SH3RF1: variants seen among roughly 807,000 people sequenced by gnomAD.
SH3RF1 encodes SH3 domain containing ring finger 1, also known as E3 ubiquitin-protein ligase SH3RF1.
A neutral mutation model predicts 74.0 loss-of-function variants in SH3RF1; 32 were observed. The ratio of observed to expected loss-of-function variants is 0.43; its 90% CI spans 0.33 to 0.58. The LOEUF is 0.58. Ranked by LOEUF, SH3RF1 falls within the 20% of genes least tolerant of loss-of-function variation. The probability of loss-of-function intolerance (pLI) is 0.05; values close to 1 mark genes in which losing one functional copy is unlikely to be tolerated. For missense variants in SH3RF1, 954 were observed against 1,130.9 expected (o/e 0.84, Z 2.24); for synonymous variants, 396 against 439.6 (o/e 0.90, Z 1.24).
intron 8 of SH3RF1, among the ~76,000 whole-genome samples, chr4:169,118,242 T>G (rs1733370299): frequency 6.6e-6 from 1 of 152,198 alleles, no homozygotes; most frequent in African/African-American, 2.4e-5. Flanking sequence ...CACGCACTAG[T>G]GGAAAGTCCT....
intron 2 of SH3RF1, among the ~76,000 whole-genome samples, chr4:169,266,033 G>C (rs927519359): frequency 5.9e-5 from 9 of 152,062 alleles, no homozygotes; most frequent in African/African-American, 1.7e-4. Context: ...TCCACTGCTT[G>C]ACTTTGGCCT....
intron 2 of SH3RF1, among the ~76,000 whole-genome samples, chr4:169,179,343 ACACC>A (rs1459620194): frequency 2.4e-4 from 37 of 152,352 alleles, no homozygotes; most frequent in Admixed American, 8.5e-4. Flanking sequence ...AGCCCTGCCT[ACACC>A]TTGATTTTGG....
intron 2 of SH3RF1, among the ~76,000 whole-genome samples, chr4:169,175,567 T>C (rs1026633082): frequency 6.6e-6 from 1 of 152,148 alleles, no homozygotes; most frequent in African/African-American, 2.4e-5. Context: ...TCTAATGTCA[T>C]CTCAGAAGGC....
intron 4 of SH3RF1, among the ~76,000 whole-genome samples, chr4:169,139,686 G>A (rs941329887): frequency 6.6e-6 from 1 of 152,124 alleles, no homozygotes; most frequent in African/African-American, 2.4e-5. Flanking sequence ...CCATAGGGTT[G>A]GATGCTTGGA....
At position 169,197,559 on chromosome 4, in the gene SH3RF1, C is replaced by T. The variant is rs539825083; in HGVS notation, c.394-40880G>A. Among the ~76,000 whole-genome samples, 14 of 141,350 alleles carry T rather than the reference C, an allele frequency of 9.9e-5. No homozygotes were observed. In the East Asian group the frequency reaches 1.5e-3, roughly 16 times the overall value. 92.7% of individuals were successfully genotyped at this position (141,350 alleles called of 152,430 possible). On this transcript the variant is annotated intron_variant, in intron 2 of 11. Coordinates refer to ENST00000284637, the MANE Select transcript of SH3RF1 (RefSeq NM_020870.4). Reference sequence around the variant, plus strand: ...GAATCGCTTGAACCCAGGAGGCAGACGTTACAGTGAGCCAAGATTGCGCCA... The same window carrying T: ...GAATCGCTTGAACCCAGGAGGCAGATGTTACAGTGAGCCAAGATTGCGCCA...
chr4:169,108,649 T>C (rs1427645366), intron 10 of SH3RF1, among the ~76,000 whole-genome samples: 1 of 152,210 alleles, frequency 6.6e-6, no homozygotes, highest in Admixed American at 6.5e-5. Flanking sequence ...GGAAGATCCT[T>C]TTGCATTTCT....
chr4:169,187,376 G>A (rs1358096817), intron 2 of SH3RF1, among the ~76,000 whole-genome samples: 4 of 152,016 alleles, frequency 2.6e-5, no homozygotes, highest in Non-Finnish European at 5.9e-5. Context: ...AACTTTTTGT[G>A]GAGATGGGGT....
chr4:169,262,254 A>C (rs2110759708), intron 2 of SH3RF1, among the ~76,000 whole-genome samples: 1 of 152,356 alleles, frequency 6.6e-6, no homozygotes, highest in Middle Eastern at 3.4e-3. Flanking sequence ...ATGTATATGA[A>C]AAGATCTGCA....
At chr4:169,130,235 A>C (rs1733592569) in intron 5 of SH3RF1, 79 bp from the exon 6 acceptor site, 1 of 1,012,924 alleles carries the variant, frequency 9.9e-7, no homozygotes, top group Non-Finnish European at 1.3e-6. Context: ...TTAGAAAGGC[A>C]AGTCACATTA....
intron 11 of SH3RF1, among the ~76,000 whole-genome samples, chr4:169,101,397 G>A (rs1409857224): frequency 1.3e-5 from 2 of 152,128 alleles, no homozygotes; most frequent in African/African-American, 4.8e-5. Context: ...CCACTTATGA[G>A]ATGCCCAGAA....
At chr4:169,224,968 C>T (rs1730635168) in intron 2 of SH3RF1, among the ~76,000 whole-genome samples, 1 of 152,174 alleles carries the variant, frequency 6.6e-6, no homozygotes, top group African/African-American at 2.4e-5. Context: ...GGGTTTTATA[C>T]TTTAAGCAGA....
chr4:169,264,526 A>G (rs1383464671), intron 2 of SH3RF1, among the ~76,000 whole-genome samples: 1 of 152,184 alleles, frequency 6.6e-6, no homozygotes, highest in Non-Finnish European at 1.5e-5. Flanking sequence ...TGTGCTATGG[A>G]GAAATGAAAG....
chr4:169,192,486 G>A (rs1223081987), intron 2 of SH3RF1, among the ~76,000 whole-genome samples: 1 of 152,014 alleles, frequency 6.6e-6, no homozygotes, highest in East Asian at 1.9e-4. Flanking sequence ...TCAAAAAATA[G>A]TAGATGCTGG....
intron 4 of SH3RF1, among the ~76,000 whole-genome samples, chr4:169,144,267 C>G (rs1433540991): frequency 1.3e-5 from 2 of 152,180 alleles, no homozygotes; most frequent in Non-Finnish European, 1.5e-5. Context: ...TTGGGTATGC[C>G]TCCCATTTCT....
chr4:169,252,928 A>G (rs887263726), intron 2 of SH3RF1, among the ~76,000 whole-genome samples: 4 of 152,182 alleles, frequency 2.6e-5, no homozygotes, highest in African/African-American at 9.7e-5. Flanking sequence ...GTTGTTAATG[A>G]TAAACACCCT....
chr4:169,203,288 T>C (rs919387168), intron 2 of SH3RF1, among the ~76,000 whole-genome samples: 4 of 152,138 alleles, frequency 2.6e-5, no homozygotes, highest in African/African-American at 9.7e-5. Context: ...CGGTGGCTTA[T>C]GCCTGTAATC....
chr4:169,229,963 T>C (rs2706736), intron 2 of SH3RF1, among the ~76,000 whole-genome samples: 77,628 of 137,802 alleles, frequency 0.56, 26,047 homozygotes, highest in East Asian at 0.82. Context: ...CCCAACACTT[T>C]AGGAGGTGGA....
At chr4:169,172,112 C>T (rs1207549584) in intron 2 of SH3RF1, among the ~76,000 whole-genome samples, 1 of 152,150 alleles carries the variant, frequency 6.6e-6, no homozygotes, top group Non-Finnish European at 1.5e-5. Flanking sequence ...CTAAATTTTC[C>T]ACTCTGAAAT....
At chr4:169,172,772 A>G (rs1734353533) in intron 2 of SH3RF1, among the ~76,000 whole-genome samples, 1 of 152,118 alleles carries the variant, frequency 6.6e-6, no homozygotes, top group Admixed American at 6.5e-5. Context: ...AGACCCACCA[A>G]TTGGCTGCCA....
Sources: gnomAD v4.1 joint callset for allele counts (sites outside exome capture counted in the v4.1 genomes callset) on GRCh38, gnomAD v4.1.1 for gene constraint, MANE v1.5 for transcripts, NCBI Gene and HGNC (gene_info 2026-07-23, HGNC 2026-07-21) for gene names.